The following MACROD2 variants were observed in gnomAD, a reference collection of about 807,000 sequenced individuals.
The protein encoded by MACROD2 is ADP-ribose glycohydrolase MACROD2.
In MACROD2, 36 loss-of-function variants were observed where a neutral mutation model predicts 70.4. That is an observed-to-expected ratio of 0.51 (90% CI 0.39 to 0.68). The LOEUF (loss-of-function observed/expected upper bound fraction) is 0.68, where lower values mean the gene tolerates loss of function less well. Ranked by LOEUF, MACROD2 falls within the 30% of genes least tolerant of loss-of-function variation. MACROD2 has a pLI of 0.00. For missense variants in MACROD2, 496 were observed against 538.4 expected, an observed-to-expected ratio of 0.92 and a Z score of 0.78; for synonymous variants, 172 against 178.8, an observed-to-expected ratio of 0.96 and a Z score of 0.30.
At chr20:15,501,656 A>G (rs1458533455) in intron 8 of MACROD2, among the ~76,000 whole-genome samples, 4 of 152,136 alleles carry the variant, frequency 2.6e-5, no homozygotes, top group South Asian at 2.1e-4. Flanking sequence ...GGATTGAGAA[A>G]CTCAGTTATT....
chr20:14,823,431 G>A (rs1444755598), intron 5 of MACROD2, among the ~76,000 whole-genome samples: 1 of 152,094 alleles, frequency 6.6e-6, no homozygotes, highest in East Asian at 1.9e-4. Flanking sequence ...AAAACAAAAA[G>A]TGCAGACATA....
chr20:15,652,224 TA>T (rs2049655712), intron 8 of MACROD2, among the ~76,000 whole-genome samples: 2 of 152,222 alleles, frequency 1.3e-5, no homozygotes, highest in South Asian at 4.1e-4. Flanking sequence ...AGGCCCTTTA[TA>T]GTCACAAAGG....
chr20:14,660,430 C>T (rs1986168596), intron 4 of MACROD2, among the ~76,000 whole-genome samples: 1 of 152,138 alleles, frequency 6.6e-6, no homozygotes, highest in Non-Finnish European at 1.5e-5. Context: ...TCCTAAAGAA[C>T]TTTAACTTAT....
chr20:15,265,361 C>A (rs547369271), intron 6 of MACROD2, among the ~76,000 whole-genome samples: 3 of 152,184 alleles, frequency 2.0e-5, no homozygotes, highest in Non-Finnish European at 4.4e-5. Flanking sequence ...GGAATGGATG[C>A]CAAGACCCCA....
At chr20:15,161,392 T>C in intron 5 of MACROD2, among the ~76,000 whole-genome samples, 1 of 150,186 alleles carries the variant, frequency 6.7e-6, no homozygotes, top group East Asian at 1.9e-4. Flanking sequence ...TAATATAATA[T>C]AGTATAATTA....
At chr20:15,707,053 C>A (rs535493660) in intron 8 of MACROD2, among the ~76,000 whole-genome samples, 2 of 152,238 alleles carry the variant, frequency 1.3e-5, no homozygotes, top group South Asian at 4.1e-4. Context: ...CATGGTTCTT[C>A]TATTGCCCTA....
At chr20:15,179,604 C>T (rs2076486282) in intron 5 of MACROD2, among the ~76,000 whole-genome samples, 1 of 152,166 alleles carries the variant, frequency 6.6e-6, no homozygotes, top group African/African-American at 2.4e-5. Flanking sequence ...GAAAGTGGCC[C>T]TTCTCCAAGA....
At chr20:14,757,745 G>T (rs1443418060) in intron 5 of MACROD2, 1 of 1,532,120 alleles carries the variant, frequency 6.5e-7, no homozygotes, top group South Asian at 1.1e-5. Flanking sequence ...GGCACAGTTT[G>T]CCTGGAGACA....
chr20:14,643,650 A>T (rs1420999330), intron 4 of MACROD2, among the ~76,000 whole-genome samples: 1 of 152,194 alleles, frequency 6.6e-6, no homozygotes. Context: ...AAGAAAGGAG[A>T]TATTAAGTTA....
intron 6 of MACROD2, among the ~76,000 whole-genome samples, chr20:15,397,664 G>C (rs1027467896): frequency 2.6e-4 from 40 of 152,320 alleles, no homozygotes; most frequent in African/African-American, 9.6e-4. Context: ...GATCTTAGAA[G>C]TGAAAGAAGA....
intron 5 of MACROD2, chr20:14,758,030 C>T: frequency 1.4e-6 from 1 of 707,880 alleles, no homozygotes; most frequent in Non-Finnish European, 2.6e-6. Context: ...CGAATTTGGT[C>T]ATGGACATGG....
chr20:14,687,544 A>G (rs557286916), intron 5 of MACROD2, among the ~76,000 whole-genome samples: 1 of 152,324 alleles, frequency 6.6e-6, no homozygotes, highest in Admixed American at 6.5e-5. Flanking sequence ...CTTCGAACTG[A>G]AGTGTGGCTT....
chr20:14,441,445 T>G (rs189731534), intron 3 of MACROD2, among the ~76,000 whole-genome samples: 14 of 152,278 alleles, frequency 9.2e-5, no homozygotes, highest in Admixed American at 3.3e-4. Flanking sequence ...CATTTTGTGG[T>G]AGTTTGTTAT....
intron 5 of MACROD2, among the ~76,000 whole-genome samples, chr20:15,024,542 A>G (rs1044704225): frequency 2.0e-5 from 3 of 152,058 alleles, no homozygotes; most frequent in African/African-American, 7.2e-5. Flanking sequence ...TATAAATATC[A>G]TAATAAAAAA....
chr20:15,089,725 G>T (rs1412848455), intron 5 of MACROD2, among the ~76,000 whole-genome samples: 1 of 151,978 alleles, frequency 6.6e-6, no homozygotes, highest in African/African-American at 2.4e-5. Flanking sequence ...CTTCTCAGCT[G>T]TTCACTAACT....
At chr20:14,659,422 G>A (rs1181461694) in intron 4 of MACROD2, among the ~76,000 whole-genome samples, 1 of 152,166 alleles carries the variant, frequency 6.6e-6, no homozygotes, top group Non-Finnish European at 1.5e-5. Context: ...GCTGGGGACA[G>A]ACACTCCTTT....
At chr20:14,105,624 G>A (rs952936401) in intron 3 of MACROD2, among the ~76,000 whole-genome samples, 8 of 152,166 alleles carry the variant, frequency 5.3e-5, no homozygotes, top group African/African-American at 1.4e-4. Context: ...TCTGGGCTTG[G>A]AGCCAGTGAA....
intron 8 of MACROD2, among the ~76,000 whole-genome samples, chr20:15,815,013 C>G (rs2063858618): frequency 6.6e-6 from 1 of 152,186 alleles, no homozygotes; most frequent in Non-Finnish European, 1.5e-5. Context: ...CCTGCTTACA[C>G]AGGTATTTCA....
chr20:15,761,932 T>G (rs929837972), intron 8 of MACROD2, among the ~76,000 whole-genome samples: 4 of 152,226 alleles, frequency 2.6e-5, no homozygotes, highest in African/African-American at 9.6e-5. Flanking sequence ...ACCTCACAGA[T>G]TCTCCTTTCA....
Sources: gnomAD v4.1 joint callset for allele counts (sites outside exome capture counted in the v4.1 genomes callset) on GRCh38, gnomAD v4.1.1 for gene constraint, MANE v1.5 for transcripts, NCBI Gene and HGNC (gene_info 2026-07-23, HGNC 2026-07-21) for gene names.